The following GLB1L2 variants were observed in gnomAD, a reference collection of about 807,000 sequenced individuals.
GLB1L2 encodes beta-galactosidase-1-like protein 2.
In GLB1L2, 68 loss-of-function variants were observed where a neutral mutation model predicts 84.1. The ratio of observed to expected loss-of-function variants is 0.81; its 90% confidence interval spans 0.67 to 0.99. GLB1L2 has a LOEUF of 0.99. Among genes scored for constraint, GLB1L2 ranks in the 50% least tolerant of loss-of-function variants. The pLI is 0.00. For missense variants in GLB1L2, 762 were observed against 805.6 expected (o/e 0.95, Z 0.66); for synonymous variants, 290 against 318.0 (o/e 0.91, Z 0.94).
At chr11:134,352,939 C>A (rs879869716) in intron 5 of GLB1L2, among the ~76,000 whole-genome samples, 1 of 152,132 alleles carries the variant, frequency 6.6e-6, no homozygotes, top group Admixed American at 6.5e-5. Flanking sequence ...TGAGCCACTG[C>A]GCCTGGCCTC....
intron 9 of GLB1L2, 79 bp downstream of exon 9, chr11:134,367,420 T>A: frequency 8.1e-7 from 1 of 1,229,984 alleles, no homozygotes; most frequent in African/African-American, 1.5e-5. Flanking sequence ...TGCTAACTAA[T>A]GTAAGCCATA....
At chr11:134,346,066 C>T (rs1209056192) in intron 4 of GLB1L2, among the ~76,000 whole-genome samples, 1 of 152,162 alleles carries the variant, frequency 6.6e-6, no homozygotes, top group South Asian at 2.1e-4. Context: ...TGGTTAGACC[C>T]AGACTGCCTC....
chr11:134,341,329 C>G (rs752861933), intron 1 of GLB1L2, among the ~76,000 whole-genome samples: 1 of 152,146 alleles, frequency 6.6e-6, no homozygotes, highest in African/African-American at 2.4e-5. Flanking sequence ...GCATTAGACT[C>G]GTTTTATAGA....
In GLB1L2 at chr11:134,347,310, C is replaced by A; in HGVS notation, c.450-15C>A. ...TGACACTAACATCCTTCCTTTCCCC[C>A]GTTTACACTTCAAGCTGGCTACTCC... On this transcript the variant is annotated splice_polypyrimidine_tract_variant and intron_variant, in intron 4 of 18. Transcript: ENST00000535456. 2 of 1,594,154 alleles carry A rather than the reference C, an allele frequency of 1.3e-6. No homozygotes were observed. The highest frequency in any genetic ancestry group is 8.6e-7 in the Non-Finnish European group (1 of 1,161,824).
At chr11:134,373,489 A>C (rs1482897422) in intron 15 of GLB1L2, among the ~76,000 whole-genome samples, 1 of 152,068 alleles carries the variant, frequency 6.6e-6, no homozygotes, top group East Asian at 1.9e-4. Context: ...CCCATGGCAA[A>C]TCTTAGGGTC....
At chr11:134,371,556 G>C in intron 14 of GLB1L2, 64 bp downstream of exon 14, 1 of 1,118,772 alleles carries the variant, frequency 8.9e-7, no homozygotes, top group Non-Finnish European at 1.4e-6. Context: ...TCTGGGGGCA[G>C]TCACTGAGGA....
rs1943416014 is a variant in GLB1L2, at chr11:134,338,310, G to GGGAT, written c.87-4443_87-4442insGATG. Among the ~76,000 whole-genome samples, 1 of 152,186 alleles carries GGGAT rather than the reference G, an allele frequency of 6.6e-6. No homozygotes were observed. On this transcript the variant is annotated intron_variant, in intron 1 of 18. Transcript: ENST00000535456. The surrounding 1 kb of genome is among the most constrained non-coding windows in gnomAD (Gnocchi z 6.2). ...GACGGGTGATGCAGGGATGCCCGCT[G>GGGAT]GCATGGCAGGACGCATTTCAAGCCT...
Position 134,368,863 on chromosome 11 carries a change from C to T in GLB1L2, c.1027+82C>T, listed in dbSNP as rs948612108. 18 of 1,443,552 alleles carry T rather than the reference C, an allele frequency of 1.2e-5. No individual in the cohort carries two copies. In the African/African-American group the frequency reaches 2.0e-4, roughly 16 times the overall value. 89.4% of individuals were successfully genotyped at this position (1,443,552 alleles called of 1,614,324 possible). A position where few individuals can be genotyped will look rare whatever the true frequency, so the allele number is the denominator to read the frequency against. On this transcript the variant is annotated intron_variant, in intron 10 of 18. Transcript: ENST00000535456. ...CTTGCTATGGAGAGGCCCTCAGGGT[C>T]AACTTCTGGCACCTTCGTGTCTTTG... is the stretch of plus-strand genomic sequence containing the variant.
intron 5 of GLB1L2, among the ~76,000 whole-genome samples, chr11:134,349,939 C>T (rs1427385455): frequency 2.0e-5 from 3 of 152,118 alleles, no homozygotes; most frequent in Non-Finnish European, 2.9e-5. Flanking sequence ...GGAACGAGGG[C>T]CTCTTGACTC....
At chr11:134,353,914 A>G (rs567365157) in intron 5 of GLB1L2, among the ~76,000 whole-genome samples, 2 of 152,332 alleles carry the variant, frequency 1.3e-5, no homozygotes, top group East Asian at 1.9e-4. Context: ...CTTCCAACCA[A>G]TAAATATCCT....
In GLB1L2 at chr11:134,334,094, T is replaced by G. The variant is rs1451231618; in HGVS notation, c.86+1947T>G. 6.6e-6 allele frequency among the ~76,000 whole-genome samples: 1 copy of G among 152,182 alleles called. No homozygotes were observed. The highest frequency in any genetic ancestry group is 2.4e-5 in the African/African-American group (1 of 41,434). On this transcript the variant is annotated intron_variant, in intron 1 of 18. Transcript: ENST00000535456. The surrounding 1 kb of genome is among the most constrained non-coding windows in gnomAD (Gnocchi z 4.1). ...GCAGGAGGAGAACATCCTCTTTGTC[T>G]TTCCCTCTTCCTGTCTTGCCCCAGC...
intron 6 of GLB1L2, among the ~76,000 whole-genome samples, chr11:134,357,690 C>T (rs1943722533): frequency 6.6e-6 from 1 of 152,214 alleles, no homozygotes; most frequent in South Asian, 2.1e-4. Flanking sequence ...GCGGAGGCGC[C>T]CATGTGTGAC....
At chr11:134,368,169 T>C (rs1943891133) in intron 9 of GLB1L2, among the ~76,000 whole-genome samples, 1 of 152,378 alleles carries the variant, frequency 6.6e-6, no homozygotes, top group South Asian at 2.1e-4. Flanking sequence ...TTGATTTATA[T>C]TGATAAAATA....
At chr11:134,356,759 C>T (rs768087438) in intron 6 of GLB1L2, among the ~76,000 whole-genome samples, 7 of 152,186 alleles carry the variant, frequency 4.6e-5, no homozygotes, top group South Asian at 2.1e-4. Flanking sequence ...GAAATCCCTG[C>T]GCCCAGGCCA....
intron 8 of GLB1L2, 159 bp from the exon 9 acceptor site, chr11:134,367,098 C>G (rs1943875667): frequency 1.5e-6 from 1 of 680,116 alleles, no homozygotes; most frequent in African/African-American, 1.8e-5. Flanking sequence ...GCGAATTTGG[C>G]CCTCACCTAT....
At chr11:134,337,152 G>A (rs1943399442) in intron 1 of GLB1L2, among the ~76,000 whole-genome samples, 1 of 152,186 alleles carries the variant, frequency 6.6e-6, no homozygotes, top group South Asian at 2.1e-4. Flanking sequence ...GTCAGAGCCT[G>A]GATGTGAGGC....
intron 5 of GLB1L2, among the ~76,000 whole-genome samples, chr11:134,351,818 A>G (rs1464969525): frequency 1.3e-5 from 2 of 152,052 alleles, no homozygotes; most frequent in Non-Finnish European, 2.9e-5. Flanking sequence ...CTTTTCTCAT[A>G]GTGTCTTTTG....
intron 5 of GLB1L2, among the ~76,000 whole-genome samples, chr11:134,353,064 C>T (rs931041211): frequency 6.6e-6 from 1 of 151,958 alleles, no homozygotes; most frequent in Non-Finnish European, 1.5e-5. Context: ...AGTTTCATTC[C>T]ATTGTGATTG....
In GLB1L2 at chr11:134,371,072, C is replaced by T. The variant is rs1277386959; in HGVS notation, c.1280C>T (p.Ser427Phe). The T allele has an allele frequency of 7.4e-6, 12 of 1,614,044 alleles. No homozygotes were observed. Among genetic ancestry groups the T allele is most frequent in the Non-Finnish European group, 1.0e-5 (12 of 1,180,012 alleles). ...CCAGTCAATGGGGGAAATGGACAGT[C>T]CTTCGGGTACATTCTCTATGAGACC... ...NLPVNGGNGQ[S>F]FGYILYETSI... The change falls in exon 13 of 19, where the codon TCC becomes TTC. Residue 427 changes from serine to phenylalanine, a missense_variant. This residue lies in a region of GLB1L2 where 603 missense variants were observed against 611.7 expected (regional missense o/e 0.99). Coordinates refer to ENST00000535456, the MANE Select transcript of GLB1L2 (RefSeq NM_001370461.1).
Sources: gnomAD v4.1 joint callset for allele counts (sites outside exome capture counted in the v4.1 genomes callset) on GRCh38, gnomAD v4.1.1 for gene constraint, gnomAD v4.1.1 regional missense constraint, Gnocchi (gnomAD v3.1) non-coding constraint, MANE v1.5 for transcripts, NCBI Gene and HGNC (gene_info 2026-07-23, HGNC 2026-07-21) for gene names.